Variants in SCAF11 observed in about 807,000 individuals in gnomAD.
The protein encoded by SCAF11 is SR-related CTD associated factor 11.
SCAF11 carries 47 observed loss-of-function variants against 140.5 expected under a neutral mutation model. The ratio of observed to expected loss-of-function variants is 0.33; its 90% confidence interval spans 0.26 to 0.43. The LOEUF (loss-of-function observed/expected upper bound fraction) is 0.43. Ranked by LOEUF, SCAF11 falls within the 20% of genes least tolerant of loss-of-function variation. The pLI is 1.00. For synonymous variants in SCAF11, 557 were observed against 579.4 expected (o/e 0.96, Z 0.55); for missense variants, 1,645 against 1,705.1 (o/e 0.96, Z 0.62).
intron 1 of SCAF11, among the ~76,000 whole-genome samples, chr12:45,973,329 A>T (rs914586701): frequency 6.6e-6 from 1 of 151,962 alleles, no homozygotes; most frequent in African/African-American, 2.4e-5. Flanking sequence ...AGTACCAAAA[A>T]CCCAACATTC....
intron 9 of SCAF11, among the ~76,000 whole-genome samples, 169 bp from the exon 10 acceptor site, chr12:45,931,781 T>C (rs1945050464): frequency 6.6e-6 from 1 of 152,156 alleles, no homozygotes; most frequent in African/African-American, 2.4e-5. Flanking sequence ...TGTCTAAAGA[T>C]AGCTACCAAT....
intron 1 of SCAF11, among the ~76,000 whole-genome samples, chr12:45,982,990 A>G (rs1426342753): frequency 6.6e-6 from 1 of 152,344 alleles, no homozygotes; most frequent in East Asian, 1.9e-4. Flanking sequence ...AGAAATAGGC[A>G]AAGAGTTTCT....
At chr12:45,968,285 T>C (rs1021367973) in intron 1 of SCAF11, among the ~76,000 whole-genome samples, 1 of 152,170 alleles carries the variant, frequency 6.6e-6, no homozygotes, top group Non-Finnish European at 1.5e-5. Flanking sequence ...TTTACAAATG[T>C]CAATCTTTAA....
At chr12:45,964,009 C>A in intron 2 of SCAF11, 98 bp downstream of exon 2, 2 of 653,396 alleles carry the variant, frequency 3.1e-6, no homozygotes, top group Non-Finnish European at 5.2e-6. Context: ...ACAACAATAA[C>A]AAAAAACTCC....
At position 45,927,637 on chromosome 12, in the gene SCAF11, C is replaced by T. The variant is rs952824873; in HGVS notation, c.2064G>A (p.Leu688=). The change falls in exon 11 of 15, where the codon CTG becomes CTA. Residue 688 remains leucine (L), a synonymous_variant. Transcript: ENST00000369367. ...EKSLEEKNES[L]TEHPRSTELP... Reference sequence around the variant, plus strand: ...ACTCTGTAGATCTAGGATGTTCGGTCAGCGATTCATTCTTTTCTTCTAAAG... The same window carrying T: ...ACTCTGTAGATCTAGGATGTTCGGTTAGCGATTCATTCTTTTCTTCTAAAG... The T allele has an allele frequency of 1.6e-5, 25 of 1,612,126 alleles. No homozygotes were observed. Among genetic ancestry groups the T allele is most frequent in the African/African-American group, 2.7e-5 (2 of 74,838 alleles).
At chr12:45,991,044 A>C (rs1202825410), upstream of SCAF11, among the ~76,000 whole-genome samples, 1 of 152,236 alleles carries the variant, frequency 6.6e-6, no homozygotes, top group African/African-American at 2.4e-5. Flanking sequence ...CCTTATCTTT[A>C]TGGTAATCTG....
chr12:45,971,508 T>G (rs1023717930), intron 1 of SCAF11, among the ~76,000 whole-genome samples: 1 of 152,216 alleles, frequency 6.6e-6, no homozygotes, highest in African/African-American at 2.4e-5. Context: ...GTCAGTAAGT[T>G]TACCACCTTT....
chr12:45,977,498 T>C (rs1946261578), intron 1 of SCAF11, among the ~76,000 whole-genome samples: 1 of 152,130 alleles, frequency 6.6e-6, no homozygotes. Flanking sequence ...ACTGTAGTGG[T>C]AATACAGATC....
At chr12:45,968,774 C>A (rs1258224282) in intron 1 of SCAF11, among the ~76,000 whole-genome samples, 2 of 152,070 alleles carry the variant, frequency 1.3e-5, no homozygotes, top group Non-Finnish European at 2.9e-5. Flanking sequence ...AACCCCGTCG[C>A]TACTAAAAAT....
chr12:45,966,663 C>T (rs1945957528), intron 1 of SCAF11, among the ~76,000 whole-genome samples: 1 of 152,026 alleles, frequency 6.6e-6, no homozygotes, highest in African/African-American at 2.4e-5. Context: ...TCATCCAGTG[C>T]TTCCAGGCTA....
At chr12:45,963,090 G>T (rs1176706495) in intron 2 of SCAF11, among the ~76,000 whole-genome samples, 2 of 152,142 alleles carry the variant, frequency 1.3e-5, no homozygotes, top group Admixed American at 6.5e-5. Context: ...GACTCTAGGA[G>T]ACAGAAAAGG....
In SCAF11 at chr12:45,990,414, G is replaced by C; in HGVS notation, c.-83C>G. 1 of 1,232,188 alleles carries C rather than the reference G, an allele frequency of 8.1e-7. No homozygotes were observed. Among genetic ancestry groups the C allele is most frequent in the East Asian group, 3.2e-5 (1 of 31,692 alleles). 76.3% of individuals were successfully genotyped at this position (1,232,188 alleles called of 1,614,324 possible). On this transcript the variant is annotated 5_prime_UTR_variant, in exon 1 of 15. Transcript: ENST00000369367. Reference sequence around the variant, plus strand: ...CCCCACAGTAGGTTCCCAGGTCCCAGTCACTCCGCTGCCAAGTTCCCCAAC... The same window carrying C: ...CCCCACAGTAGGTTCCCAGGTCCCACTCACTCCGCTGCCAAGTTCCCCAAC...
At chr12:45,975,119 A>C (rs1274856656) in intron 1 of SCAF11, 1 of 152,248 alleles carries the variant, frequency 6.6e-6, no homozygotes, top group African/African-American at 2.4e-5. Flanking sequence ...ATATTCAGTA[A>C]ACCATGCTGT....
At chr12:45,976,048 T>C (rs1007307970) in intron 1 of SCAF11, among the ~76,000 whole-genome samples, 2 of 152,106 alleles carry the variant, frequency 1.3e-5, no homozygotes, top group Admixed American at 6.5e-5. Context: ...ATTTGTAAAA[T>C]ATGCAGTATC....
At chr12:45,930,880 T>C (rs543468600) in intron 10 of SCAF11, 1 of 152,298 alleles carries the variant, frequency 6.6e-6, no homozygotes, top group South Asian at 2.1e-4. Flanking sequence ...GATTTTTCTG[T>C]TTTTTCAGTG....
rs773011569 is a variant in SCAF11 at position 45,926,286 on chromosome 12, T to C, written c.3415A>G (p.Arg1139Gly). Residue 1139 changes from arginine (R) to glycine (G), a missense_variant, in exon 11 of 15, where the codon AGA becomes GGA. Transcript: ENST00000369367. ...QEFSFDTPAD[R>G]SGWTSASSWA... ...CTGGATGCAGATGTCCATCCAGATC[T>C]ATCTGCTGGTGTATCAAATGAGAAC... 1.2e-6 allele frequency: 2 copies of C among 1,614,204 alleles called. No individual in the cohort carries two copies. Among genetic ancestry groups the C allele is most frequent in the Admixed American group, 3.3e-5 (2 of 60,030 alleles).
Position 45,931,524 on chromosome 12 carries a change from T to G in SCAF11, c.823A>C (p.Ile275Leu), listed in dbSNP as rs375862247. Residue 275 changes from isoleucine (I) to leucine (L), a missense_variant, in exon 10 of 15, where the codon ATA becomes CTA. By Grantham distance (5) the Ile-to-Leu change is conservative. Transcript: ENST00000369367. ...ACTTTACCAAAATGTTCGAAAGATA[T>G]GGTACTTGTTGGAAAAATAGTTCTT... ...LPRTIFPTST[I>L]SFEHFGTSCK... 6.8e-7 allele frequency: 1 copy of G among 1,466,464 alleles called. No homozygotes were observed. The highest frequency in any genetic ancestry group is 9.0e-7 in the Non-Finnish European group (1 of 1,109,592). The allele number at this position is 1,466,464 out of a possible 1,614,324, so 90.8% of individuals were successfully genotyped here. A position where few individuals can be genotyped will look rare whatever the true frequency, so the allele number is the denominator to read the frequency against.
Position 45,940,977 on chromosome 12 carries a change from G to C in SCAF11, c.463+4272C>G, listed in dbSNP as rs542067350. The stretch of plus-strand genomic sequence containing the variant: ...GTATCACCACACTTGGCTAATTTTT[G>C]TATTTTTTGTAGAGGTGGGTTTCGC... On this transcript the variant is annotated intron_variant, in intron 6 of 14. Transcript: ENST00000369367. 5.9e-5 allele frequency among the ~76,000 whole-genome samples: 9 copies of C among 152,084 alleles called. No individual in the cohort carries two copies. In the South Asian group the frequency reaches 1.5e-3, roughly 25 times the overall value.
At chr12:45,930,828 C>T (rs2136519611) in intron 10 of SCAF11, 1 of 152,154 alleles carries the variant, frequency 6.6e-6, no homozygotes, top group East Asian at 1.9e-4. Context: ...ACATTAATGA[C>T]ATACCTTTTT....
Sources: gnomAD v4.1 joint callset for allele counts (sites outside exome capture counted in the v4.1 genomes callset) on GRCh38, gnomAD v4.1.1 for gene constraint, MANE v1.5 for transcripts, NCBI Gene and HGNC (gene_info 2026-07-23, HGNC 2026-07-21) for gene names.